The following CCND2 variants were observed in gnomAD, a reference collection of about 807,000 sequenced individuals.
CCND2 encodes the protein cyclin D2, also known as G1/S-specific cyclin-D2.
A neutral mutation model predicts 30.2 loss-of-function variants in CCND2; 6 were observed. The ratio of observed to expected loss-of-function variants is 0.20; its 90% CI spans 0.11 to 0.39. The LOEUF is 0.39. Ranked by LOEUF, CCND2 falls within the 10% of genes least tolerant of loss-of-function variation. The pLI, the probability that CCND2 is intolerant of heterozygous loss-of-function variation, is 1.00. For synonymous variants in CCND2, 150 were observed against 153.1 expected, an observed-to-expected ratio of 0.98 and a Z score of 0.15; for missense variants, 235 against 373.4, an observed-to-expected ratio of 0.63 and a Z score of 3.06.
Position 4,301,472 on chromosome 12 carries a change from CTTT to C in CCND2, c.*1477_*1479del, listed in dbSNP as rs772219810. On this transcript the variant is annotated 3_prime_UTR_variant, in exon 5 of 5. Coordinates refer to ENST00000261254, the MANE Select transcript of CCND2 (RefSeq NM_001759.4). ...GTTAGCAAAGAGGTTGGAGCAACAA[CTTT>C]TTTTTTTTTTTTTGCACAATTGTAA... The C allele has an allele frequency of 6.1e-4, 127 of 207,444 alleles. No homozygotes were observed. Among genetic ancestry groups the C allele is most frequent in the Middle Eastern group, 1.4e-3 (1 of 738 alleles). The allele number at this position is 207,444 out of a possible 1,614,324, so 12.9% of individuals were successfully genotyped here.
chr12:4,301,861 C>T lies in CCND2; in HGVS notation c.*1852C>T, dbSNP rs182684983. On this transcript the variant is annotated 3_prime_UTR_variant, in exon 5 of 5. Coordinates refer to ENST00000261254, the MANE Select transcript of CCND2 (RefSeq NM_001759.4). ...GTAGATGGTTGAGATATGAGTTCTT[C>T]GTACTGGAAAAGCCCTTCCGTAGTT... 186 of 230,852 alleles carry T rather than the reference C, an allele frequency of 8.1e-4. 1 individual carries two copies. The highest frequency in any genetic ancestry group is 3.9e-3 in the African/African-American group (174 of 44,810). The allele number at this position is 230,852 out of a possible 1,614,324, so 14.3% of individuals were successfully genotyped here. A position where few individuals can be genotyped will look rare whatever the true frequency, so the allele number is the denominator to read the frequency against.
At chr12:4,288,334 T>C (rs977894734) in intron 3 of CCND2, among the ~76,000 whole-genome samples, 3 of 152,062 alleles carry the variant, frequency 2.0e-5, no homozygotes, top group African/African-American at 7.2e-5. Flanking sequence ...TGCATAGATT[T>C]TGCCCGTTTC....
intron 4 of CCND2, chr12:4,298,034 T>A: frequency 4.2e-6 from 1 of 239,736 alleles, no homozygotes; most frequent in Non-Finnish European, 9.0e-6. Flanking sequence ...CTGAATTCTT[T>A]AGGTTCCAGG....
rs1864125165 is a variant in CCND2 at position 4,293,356 on chromosome 12, C to G, written c.720+4366C>G. On this transcript the variant is annotated intron_variant, in intron 4 of 4. Transcript: ENST00000261254. This position sits in a 1 kb window ranked among gnomAD's most constrained non-coding sequence, Gnocchi z 4.9. ...CTAGTCATCTGTTCCTTATATTTAT[C>G]CTTTTTTGTCTAAGTCACATCAAAA... Among the ~76,000 whole-genome samples, 6 of 152,212 alleles carry G rather than the reference C, an allele frequency of 3.9e-5. No homozygotes were observed. In the South Asian group the frequency reaches 1.2e-3, roughly 32 times the overall value.
At chr12:4,283,972 G>C (rs1000084604) in intron 3 of CCND2, among the ~76,000 whole-genome samples, 8 of 152,250 alleles carry the variant, frequency 5.3e-5, no homozygotes, top group Non-Finnish European at 1.0e-4. Context: ...CAACTGGATA[G>C]TGACAGATTC....
Position 4,302,713 on chromosome 12 carries a change from A to T in CCND2, c.*2704A>T. The T allele has an allele frequency of 4.3e-6, 1 of 233,380 alleles. No homozygotes were observed. The highest frequency in any genetic ancestry group is 8.5e-6 in the Non-Finnish European group (1 of 118,152). 14.5% of individuals were successfully genotyped at this position (233,380 alleles called of 1,614,324 possible). On this transcript the variant is annotated 3_prime_UTR_variant, in exon 5 of 5. Coordinates refer to ENST00000261254, the MANE Select transcript of CCND2 (RefSeq NM_001759.4). ...GAAAAATAGGTCAGATAAGTATGGG[A>T]TGATAGTTGAAGGGAGGTGAAGAGG...
chr12:4,275,671 A>C (rs1426101219), intron 1 of CCND2, among the ~76,000 whole-genome samples: 1 of 151,030 alleles, frequency 6.6e-6, no homozygotes, highest in African/African-American at 2.4e-5. Context: ...AAAAAGAGTG[A>C]GTGAGTTAGA....
At chr12:4,275,749 C>T (rs771165261) in intron 1 of CCND2, among the ~76,000 whole-genome samples, 18 of 152,134 alleles carry the variant, frequency 1.2e-4, no homozygotes, top group South Asian at 2.1e-4. Flanking sequence ...TCTCCGACTC[C>T]CCGTTTTGGA....
At position 4,284,206 on chromosome 12, in the gene CCND2, A is replaced by C. The variant is rs1863990410; in HGVS notation, c.572-4636A>C. 2.0e-5 allele frequency among the ~76,000 whole-genome samples: 3 copies of C among 152,292 alleles called. No homozygotes were observed. The South Asian group carries it at 6.2e-4, about 32-fold the overall frequency. ...GGCTGACATTCATTGCTTACCTTGA[A>C]CCAGGCACTGTGCTTTTACAAGGAT... On this transcript the variant is annotated intron_variant, in intron 3 of 4. Transcript: ENST00000261254.
At position 4,302,638 on chromosome 12, in the gene CCND2, G is replaced by A. The variant is rs3217927; in HGVS notation, c.*2629G>A. 221,732 of 233,212 alleles carry A rather than the reference G, an allele frequency of 0.95. 105,969 individuals are homozygous for A. Among genetic ancestry groups the A allele is most frequent in the Non-Finnish European group, 1 (117,923 of 118,062 alleles). 14.4% of individuals were successfully genotyped at this position (233,212 alleles called of 1,614,324 possible). A position where few individuals can be genotyped will look rare whatever the true frequency, so the allele number is the denominator to read the frequency against. On this transcript the variant is annotated 3_prime_UTR_variant, in exon 5 of 5. Coordinates refer to ENST00000261254, the MANE Select transcript of CCND2 (RefSeq NM_001759.4). ...ACTATGCAAGCCCAGGCCCTCTGCT[G>A]AGCGGTACTAAACGGTCGGGTTTTC...
rs1424834607 is a variant in CCND2, at chr12:4,299,783, T to C, written c.721-77T>C. On this transcript the variant is annotated intron_variant, in intron 4 of 4. Coordinates refer to ENST00000261254, the MANE Select transcript of CCND2 (RefSeq NM_001759.4). The surrounding 1 kb of genome is among the most constrained non-coding windows in gnomAD (Gnocchi z 5.2). ...CTAGCACAGACTTATGCAAGCTAAA[T>C]TACGCATGTTTTCTCCGTAGGATGC... is the stretch of plus-strand genomic sequence containing the variant. The C allele has an allele frequency of 1.0e-5, 14 of 1,378,054 alleles. No individual in the cohort carries two copies. The highest frequency in any genetic ancestry group is 2.0e-6 in the Non-Finnish European group (2 of 995,090). The allele number at this position is 1,378,054 out of a possible 1,614,324, so 85.4% of individuals were successfully genotyped here.
chr12:4,291,498 G>A (rs1356884769), intron 4 of CCND2, among the ~76,000 whole-genome samples: 1 of 152,154 alleles, frequency 6.6e-6, no homozygotes, highest in Non-Finnish European at 1.5e-5. Flanking sequence ...CTGGGAAATA[G>A]AGGATGAGAT....
rs1183083427 is a variant in CCND2 at position 4,299,438 on chromosome 12, A to G, written c.721-422A>G. 1.3e-5 allele frequency among the ~76,000 whole-genome samples: 2 copies of G among 152,176 alleles called. No individual in the cohort carries two copies. Among genetic ancestry groups the G allele is most frequent in the African/African-American group, 4.8e-5 (2 of 41,438 alleles). ...TTCTCGGGCTGAGTTTGCTAATGTC[A>G]TAGCACTTCTAGTAGCCTTCCCCTT... On this transcript the variant is annotated intron_variant, in intron 4 of 4. Transcript: ENST00000261254. This position sits in a 1 kb window ranked among gnomAD's most constrained non-coding sequence, Gnocchi z 5.2.
At chr12:4,290,789 C>T (rs866058991) in intron 4 of CCND2, among the ~76,000 whole-genome samples, 3 of 152,108 alleles carry the variant, frequency 2.0e-5, no homozygotes, top group Admixed American at 1.3e-4. Flanking sequence ...CAAGTCAGTC[C>T]GTCATCTCAT....
intron 3 of CCND2, among the ~76,000 whole-genome samples, chr12:4,284,262 C>T (rs983094912): frequency 6.6e-6 from 1 of 152,218 alleles, no homozygotes; most frequent in Non-Finnish European, 1.5e-5. Context: ...AACAGCACTA[C>T]AACGTGGGTA....
chr12:4,297,273 G>A (rs1251205632), intron 4 of CCND2, among the ~76,000 whole-genome samples: 1 of 152,106 alleles, frequency 6.6e-6, no homozygotes, highest in Non-Finnish European at 1.5e-5. Context: ...AGTGCCCCTA[G>A]AAACATTATA....
intron 2 of CCND2, 48 bp from the exon 3 acceptor site, chr12:4,278,690 CCCAGCCCCCTACACCAGGTCAG>C: frequency 6.5e-7 from 1 of 1,546,328 alleles, no homozygotes; most frequent in Non-Finnish European, 8.9e-7. Flanking sequence ...GAGCCCAACC[CCCAGCCCCCTACACCAGGTCAG>C]CCTGTGGAAT....
In CCND2 at chr12:4,303,406, T is replaced by C. The variant is rs1864277395; in HGVS notation, c.*3397T>C. 1 of 233,404 alleles carries C rather than the reference T, an allele frequency of 4.3e-6. No homozygotes were observed. 14.5% of individuals were successfully genotyped at this position (233,404 alleles called of 1,614,324 possible). A position where few individuals can be genotyped will look rare whatever the true frequency, so the allele number is the denominator to read the frequency against. ...CCCCTTGGATTTGAACTTGCTCTTTTTGTTGTTGTTGTTCTTTCTCTTCTT... is the reference window on the plus strand; with the variant it reads ...CCCCTTGGATTTGAACTTGCTCTTTCTGTTGTTGTTGTTCTTTCTCTTCTT... On this transcript the variant is annotated 3_prime_UTR_variant, in exon 5 of 5. Coordinates refer to ENST00000261254, the MANE Select transcript of CCND2 (RefSeq NM_001759.4). This position sits in a 1 kb window ranked among gnomAD's most constrained non-coding sequence, Gnocchi z 4.6.
chr12:4,276,040 C>G lies in CCND2; in HGVS notation c.231C>G (p.Phe77Leu). Reference protein sequence around the residue: ...CEEQKCEEEVFPLAMNYLDRF... With the variant: ...CEEQKCEEEVLPLAMNYLDRF... ...AACAGAAGTGCGAAGAAGAGGTCTT[C>G]CCTCTGGCCATGAATTACCTGGACC... is the stretch of plus-strand genomic sequence containing the variant. Residue 77 changes from phenylalanine (F) to leucine (L), a missense_variant, in exon 2 of 5, where the codon TTC becomes TTG. This residue lies in a region of CCND2 where 178 missense variants were observed against 322.8 expected (regional missense o/e 0.55). Coordinates refer to ENST00000261254, the MANE Select transcript of CCND2 (RefSeq NM_001759.4). This position sits in a 1 kb window ranked among gnomAD's most constrained non-coding sequence, Gnocchi z 4.8. 1 of 1,594,246 alleles carries G rather than the reference C, an allele frequency of 6.3e-7. No individual in the cohort carries two copies. Among genetic ancestry groups the G allele is most frequent in the Non-Finnish European group, 8.6e-7 (1 of 1,168,130 alleles).
Sources: allele counts gnomAD v4.1 joint callset (sites outside exome capture counted in the v4.1 genomes callset), GRCh38; gene constraint gnomAD v4.1.1; regional missense constraint gnomAD v4.1.1; non-coding constraint Gnocchi (gnomAD v3.1); transcripts MANE v1.5; gene names NCBI Gene and HGNC (gene_info 2026-07-23, HGNC 2026-07-21).